OPHN1: variants seen among roughly 807,000 people sequenced by gnomAD.
The protein encoded by OPHN1 is oligophrenin 1.
OPHN1 carries 11 observed loss-of-function variants against 60.7 expected under a neutral mutation model. The observed-to-expected ratio is 0.18, with a 90% CI of 0.11 to 0.30. OPHN1 has a LOEUF of 0.30. Ranked by LOEUF, OPHN1 falls within the 10% of genes least tolerant of loss-of-function variation. The pLI is 1.00. For missense variants in OPHN1, 449 were observed against 611.0 expected, an observed-to-expected ratio of 0.73 and a Z score of 2.80; for synonymous variants, 226 against 222.6, an observed-to-expected ratio of 1.02 and a Z score of -0.14.
At chrX:68,422,203 A>C (rs1244932945) in intron 2 of OPHN1, among the ~76,000 whole-genome samples, 2 of 110,918 alleles carry the variant, frequency 1.8e-5, no homozygotes, top group Non-Finnish European at 1.9e-5. Flanking sequence ...AAGCACCCCT[A>C]GCCCCGATAA....
intron 2 of OPHN1, among the ~76,000 whole-genome samples, chrX:68,312,841 C>A (rs983326996): frequency 9.0e-6 from 1 of 111,365 alleles, no homozygotes; most frequent in Non-Finnish European, 1.9e-5. Context: ...CACGGTGGCT[C>A]ATGCTTATAA....
chrX:68,386,581 GT>G (rs1243911285), intron 2 of OPHN1, among the ~76,000 whole-genome samples: 2 of 111,976 alleles, frequency 1.8e-5, no homozygotes, highest in African/African-American at 6.5e-5. Flanking sequence ...CACTAATAGT[GT>G]TTGCCAGTGG....
chrX:68,408,790 G>T (rs2078756056), intron 2 of OPHN1, among the ~76,000 whole-genome samples: 1 of 112,215 alleles, frequency 8.9e-6, no homozygotes, highest in Non-Finnish European at 1.9e-5. Context: ...GGCGAACCTT[G>T]TCTCTACTAA....
chrX:68,234,584 C>T lies in OPHN1; in HGVS notation c.389G>A (p.Arg130Gln), dbSNP rs2077743873. 8.4e-7 allele frequency: 1 copy of T among 1,186,974 alleles called. No individual in the cohort carries two copies. The highest frequency in any genetic ancestry group is 1.1e-6 in the Non-Finnish European group (1 of 873,188). Residue 130 changes from arginine (R) to glutamine (Q), a missense_variant, in exon 6 of 25, where the codon CGG (arginine) becomes CAG (glutamine). Coordinates refer to ENST00000355520, the MANE Select transcript of OPHN1 (RefSeq NM_002547.3). Reference sequence around the variant, plus strand: ...ACCATCCTTTTCAAATTTCTTTTTCCGCTCCTAAAGGTGGGAAAGAAGGGC... The same window carrying T: ...ACCATCCTTTTCAAATTTCTTTTTCTGCTCCTAAAGGTGGGAAAGAAGGGC... ...RKEQIGFTKE[R>Q]KKKFEKDGER... is the part of the protein sequence containing the mutation.
rs983427043 is a variant in OPHN1, at chrX:68,043,813, A to G, written c.*3359T>C. 8.9e-6 allele frequency: 1 copy of G among 111,823 alleles called. No individual in the cohort carries two copies. The highest frequency in any genetic ancestry group is 1.9e-5 in the Non-Finnish European group (1 of 53,217). The allele number at this position is 111,823 out of a possible 1,213,427, so 9.2% of individuals were successfully genotyped here. A position where few individuals can be genotyped will look rare whatever the true frequency, so the allele number is the denominator to read the frequency against. On this transcript the variant is annotated 3_prime_UTR_variant, in exon 25 of 25. Coordinates refer to ENST00000355520, the MANE Select transcript of OPHN1 (RefSeq NM_002547.3). ...TATCACCACAGAAAAATTTGTAGAG[A>G]TTTGACCCCAATACATCAAGTACTG...
chrX:68,097,507 C>A (rs1276713095), intron 18 of OPHN1, among the ~76,000 whole-genome samples: 1 of 111,179 alleles, frequency 9.0e-6, no homozygotes, highest in Non-Finnish European at 1.9e-5. Flanking sequence ...TTAAGACTTG[C>A]CCTTGATCAT....
intron 15 of OPHN1, among the ~76,000 whole-genome samples, chrX:68,167,343 TAAC>T (rs1314417861): frequency 9.0e-6 from 1 of 111,503 alleles, no homozygotes; most frequent in Non-Finnish European, 1.9e-5. Context: ...AGACAGGAAG[TAAC>T]AAATGCTGGC....
chrX:68,220,436 C>T (rs1477059271), intron 6 of OPHN1, among the ~76,000 whole-genome samples: 2 of 110,824 alleles, frequency 1.8e-5, no homozygotes, highest in Non-Finnish European at 3.8e-5. Flanking sequence ...TTTCATGAGG[C>T]CAGCATCATT....
rs181687379 is a variant in OPHN1 at position 68,225,145 on chromosome X, G to A, written c.486+9342C>T. ...ACTGCAAGCACAGCAGTCTGAGAGC[G>A]AACTGCAAGGCAGCAGCGAGGCTGG... On this transcript the variant is annotated intron_variant, in intron 6 of 24. Transcript: ENST00000355520. 3.9e-3 allele frequency among the ~76,000 whole-genome samples: 436 copies of A among 112,046 alleles called. 3 individuals carry two copies. The highest frequency in any genetic ancestry group is 0.013 in the African/African-American group (415 of 30,891).
chrX:68,125,361 CATG>C (rs2147451119), intron 15 of OPHN1, among the ~76,000 whole-genome samples: 1 of 111,276 alleles, frequency 9.0e-6, no homozygotes, highest in African/African-American at 3.3e-5. Context: ...ATGAATTTGA[CATG>C]ATAATAATAC....
chrX:68,088,284 C>T (rs1282297729), intron 19 of OPHN1, among the ~76,000 whole-genome samples: 4 of 111,042 alleles, frequency 3.6e-5, no homozygotes, highest in Non-Finnish European at 7.5e-5. Flanking sequence ...GTCTGTAATC[C>T]GTGTTCTAAT....
At chrX:68,422,723 G>GAAA (rs1164892590) in intron 2 of OPHN1, among the ~76,000 whole-genome samples, 9 of 68,363 alleles carry the variant, frequency 1.3e-4, no homozygotes, top group South Asian at 7.4e-4. Context: ...AAGAAAGAAA[G>GAAA]GAAGGAAGGA....
intron 2 of OPHN1, among the ~76,000 whole-genome samples, chrX:68,406,919 T>G (rs764814061): frequency 4.4e-4 from 50 of 112,617 alleles, no homozygotes; most frequent in Admixed American, 2.5e-3. Context: ...AAATAGATAC[T>G]GGGGCCAGGC....
rs2078115563 is a variant in OPHN1, at chrX:68,300,646, G to A, written c.155-1550C>T. 6.2e-5 allele frequency among the ~76,000 whole-genome samples: 7 copies of A among 112,241 alleles called. No individual in the cohort carries two copies. The South Asian group carries it at 2.6e-3, about 41-fold the overall frequency. ...GAACACAAAACTGGCTCCATGTCTG[G>A]AAAACAATTTATTTTTTCTGCTCTC... On this transcript the variant is annotated intron_variant, in intron 2 of 24. Transcript: ENST00000355520.
At chrX:68,060,212 AC>A (rs892781144) in intron 21 of OPHN1, among the ~76,000 whole-genome samples, 2 of 110,522 alleles carry the variant, frequency 1.8e-5, no homozygotes, top group African/African-American at 6.6e-5. Flanking sequence ...ATAATTTTGT[AC>A]CCCCCCAAAA....
chrX:68,296,502 A>G (rs773236744), intron 3 of OPHN1, among the ~76,000 whole-genome samples: 24 of 110,086 alleles, frequency 2.2e-4, no homozygotes, highest in African/African-American at 6.9e-4. Context: ...TATTAAAAAT[A>G]CAAAAATTAG....
At chrX:68,365,727 C>T (rs773533545) in intron 2 of OPHN1, among the ~76,000 whole-genome samples, 2 of 111,009 alleles carry the variant, frequency 1.8e-5, no homozygotes, top group Non-Finnish European at 3.8e-5. Flanking sequence ...AGAACCAACA[C>T]TGAGTGGAAA....
At chrX:68,383,821 T>G (rs1426149085) in intron 2 of OPHN1, among the ~76,000 whole-genome samples, 1 of 110,280 alleles carries the variant, frequency 9.1e-6, no homozygotes, top group Admixed American at 9.7e-5. Flanking sequence ...AAAAATTCCA[T>G]GGCAGAGAAG....
intron 15 of OPHN1, among the ~76,000 whole-genome samples, chrX:68,130,639 T>C (rs2077190340): frequency 1.8e-5 from 2 of 110,462 alleles, no homozygotes; most frequent in Admixed American, 1.9e-4. Context: ...TCCAAACATA[T>C]CCTCCACAAA....
Sources: allele counts gnomAD v4.1 joint callset (sites outside exome capture counted in the v4.1 genomes callset), GRCh38; gene constraint gnomAD v4.1.1; transcripts MANE v1.5; gene names NCBI Gene and HGNC (gene_info 2026-07-23, HGNC 2026-07-21).